PAWR: variants seen among roughly 807,000 people sequenced by gnomAD.
The protein encoded by PAWR is pro-apoptotic WT1 regulator.
PAWR carries 23 observed loss-of-function variants against 32.0 expected under a neutral mutation model. The ratio of observed to expected loss-of-function variants is 0.72; its 90% CI spans 0.52 to 1.02. PAWR has a LOEUF of 1.02. Among genes scored for constraint, PAWR ranks in the 50% least tolerant of loss-of-function variants. The pLI is 0.00. For synonymous variants in PAWR, 226 were observed against 187.1 expected (o/e 1.21, Z -1.70); for missense variants, 457 against 437.7 (o/e 1.04, Z -0.39).
At chr12:79,608,862 T>C (rs1379891146) in intron 4 of PAWR, among the ~76,000 whole-genome samples, 3 of 152,082 alleles carry the variant, frequency 2.0e-5, no homozygotes, top group Non-Finnish European at 4.4e-5. Flanking sequence ...CTGGCCAACA[T>C]GGCAAAACCC....
chr12:79,667,359 G>A (rs1877658721), intron 2 of PAWR, among the ~76,000 whole-genome samples: 1 of 152,028 alleles, frequency 6.6e-6, no homozygotes. Flanking sequence ...TAATAATAAT[G>A]AATGGATCTG....
chr12:79,661,569 C>T (rs1205571519), intron 2 of PAWR, among the ~76,000 whole-genome samples: 1 of 151,878 alleles, frequency 6.6e-6, no homozygotes, highest in Non-Finnish European at 1.5e-5. Flanking sequence ...TGTTTTAAGC[C>T]GTAAGAAGAT....
chr12:79,652,795 CAA>C (rs904956850), intron 2 of PAWR, among the ~76,000 whole-genome samples: 5 of 152,160 alleles, frequency 3.3e-5, no homozygotes, highest in Non-Finnish European at 7.3e-5. Flanking sequence ...TAGTATTTGA[CAA>C]AGAGTTCTTT....
At chr12:79,634,671 G>C (rs1379373514) in intron 2 of PAWR, among the ~76,000 whole-genome samples, 1 of 140,196 alleles carries the variant, frequency 7.1e-6, no homozygotes, top group Non-Finnish European at 1.5e-5. Context: ...AAAAAGAACA[G>C]AATAGACAAT....
chr12:79,628,290 C>A (rs1875442305), intron 2 of PAWR, among the ~76,000 whole-genome samples: 1 of 152,140 alleles, frequency 6.6e-6, no homozygotes, highest in Non-Finnish European at 1.5e-5. Flanking sequence ...CATTCAGAAT[C>A]TCTGGGACAC....
rs565398404 is a variant in PAWR at position 79,590,514 on chromosome 12, A to C, written c.*2093T>G. On this transcript the variant is annotated 3_prime_UTR_variant, in exon 7 of 7. Transcript: ENST00000328827. ...CTGCACCCAGCCTAATAACTGATAT[A>C]ATTTTTTTAAGTGAAATGAAATGTT... 3 of 149,562 alleles carry C rather than the reference A, an allele frequency of 2.0e-5. No individual in the cohort carries two copies. In the South Asian group the frequency reaches 6.4e-4, roughly 32 times the overall value. The allele number at this position is 149,562 out of a possible 1,614,324, so 9.3% of individuals were successfully genotyped here.
At chr12:79,648,715 G>A (rs1876697260) in intron 2 of PAWR, among the ~76,000 whole-genome samples, 1 of 151,024 alleles carries the variant, frequency 6.6e-6, no homozygotes, top group Admixed American at 6.6e-5. Context: ...CTTGAGCCCA[G>A]GAAGTCGAAG....
At chr12:79,595,333 A>G (rs1236191803) in intron 5 of PAWR, among the ~76,000 whole-genome samples, 4 of 152,154 alleles carry the variant, frequency 2.6e-5, no homozygotes, top group Non-Finnish European at 5.9e-5. Context: ...TTGGTCAGCC[A>G]CCTTGGGGGC....
Position 79,639,177 on chromosome 12 carries a change from C to A in PAWR, c.517-17970G>T, listed in dbSNP as rs143522096. Among the ~76,000 whole-genome samples the A allele has an allele frequency of 2.9e-3, 435 of 151,594 alleles. 3 individuals are homozygous for A. The highest frequency in any genetic ancestry group is 0.01 in the African/African-American group (416 of 41,374). On this transcript the variant is annotated intron_variant, in intron 2 of 6. Transcript: ENST00000328827. ...CTGCCCGCCTCAGCCTCCCACAGTGCTGGATAGGTGTGACAGGCGTGAGCC... is the reference window on the plus strand; with the variant it reads ...CTGCCCGCCTCAGCCTCCCACAGTGATGGATAGGTGTGACAGGCGTGAGCC...
At chr12:79,634,709 T>C (rs1875876424) in intron 2 of PAWR, among the ~76,000 whole-genome samples, 1 of 152,130 alleles carries the variant, frequency 6.6e-6, no homozygotes, top group African/African-American at 2.4e-5. Flanking sequence ...CAAACTTTTG[T>C]TTCAGATTAC....
chr12:79,669,723 T>C (rs536531559), intron 2 of PAWR, among the ~76,000 whole-genome samples: 1 of 152,254 alleles, frequency 6.6e-6, no homozygotes, highest in Admixed American at 6.5e-5. Flanking sequence ...ATTCATTCTT[T>C]TTTTTTGTTT....
At chr12:79,653,843 T>C (rs551438707) in intron 2 of PAWR, among the ~76,000 whole-genome samples, 1 of 152,362 alleles carries the variant, frequency 6.6e-6, no homozygotes, top group East Asian at 1.9e-4. Context: ...AAATTCTTTT[T>C]TTAGAAAAAT....
Position 79,588,936 on chromosome 12 carries a change from A to G in PAWR, c.*3671T>C, listed in dbSNP as rs1238392022. ...AGGTGCCTTAGTTGATGTGCCTGAT[A>G]AGCAAACTGTTAGTTGTCTATTAGT... On this transcript the variant is annotated 3_prime_UTR_variant, in exon 7 of 7. Coordinates refer to ENST00000328827, the MANE Select transcript of PAWR (RefSeq NM_002583.4). The G allele has an allele frequency of 1.3e-5, 2 of 152,004 alleles. No homozygotes were observed. The allele number at this position is 152,004 out of a possible 1,614,324, so 9.4% of individuals were successfully genotyped here.
chr12:79,585,526 C>A lies in PAWR; in HGVS notation c.*7081G>T. ...GGACTCAAAGACTAGCTTTGTGATA[C>A]AATGTCACCTTACCAATCTGTACAC... On this transcript the variant is annotated 3_prime_UTR_variant, in exon 7 of 7. Transcript: ENST00000328827. 1 of 171,656 alleles carries A rather than the reference C, an allele frequency of 5.8e-6. No homozygotes were observed. The highest frequency in any genetic ancestry group is 1.4e-4 in the South Asian group (1 of 6,958). The allele number at this position is 171,656 out of a possible 1,614,324, so 10.6% of individuals were successfully genotyped here. A position where few individuals can be genotyped will look rare whatever the true frequency, so the allele number is the denominator to read the frequency against.
intron 3 of PAWR, among the ~76,000 whole-genome samples, chr12:79,615,394 A>G (rs1177492994): frequency 6.6e-6 from 1 of 152,194 alleles, no homozygotes; most frequent in Non-Finnish European, 1.5e-5. Flanking sequence ...CCATTTGGGA[A>G]GTAACCAGTT....
intron 6 of PAWR, 51 bp downstream of exon 6, chr12:79,594,278 C>A: frequency 1.5e-6 from 1 of 671,074 alleles, no homozygotes; most frequent in Non-Finnish European, 2.6e-6. Context: ...ATATTTTCAT[C>A]CAATTGCCAA....
At chr12:79,625,647 T>C (rs4842267) in intron 2 of PAWR, among the ~76,000 whole-genome samples, 76,346 of 151,876 alleles carry the variant, frequency 0.5, 23,869 homozygotes, top group Non-Finnish European at 0.68. Context: ...GGTGAAACCC[T>C]GCCTCTACTA....
chr12:79,594,951 A>T (rs1277838212), intron 5 of PAWR, among the ~76,000 whole-genome samples: 1 of 152,080 alleles, frequency 6.6e-6, no homozygotes, highest in Non-Finnish European at 1.5e-5. Context: ...TCCTGACCTC[A>T]AGTGATCTGC....
chr12:79,625,870 A>C (rs10778682), intron 2 of PAWR, among the ~76,000 whole-genome samples: 34,709 of 151,414 alleles, frequency 0.23, 10,755 homozygotes, highest in African/African-American at 0.71. Context: ...GATTATACAC[A>C]AAAGTATATA....
Sources: gnomAD v4.1 joint callset for allele counts (sites outside exome capture counted in the v4.1 genomes callset) on GRCh38, gnomAD v4.1.1 for gene constraint, MANE v1.5 for transcripts, NCBI Gene and HGNC (gene_info 2026-07-23, HGNC 2026-07-21) for gene names.